TCF25: variants seen among roughly 807,000 people sequenced by gnomAD.
The protein encoded by TCF25 is ribosome quality control complex subunit TCF25.
In TCF25, 41 loss-of-function variants were observed where a neutral mutation model predicts 83.1. The ratio of observed to expected loss-of-function variants is 0.49; its 90% CI spans 0.38 to 0.64. The LOEUF (loss-of-function observed/expected upper bound fraction) is 0.64, where lower values mean the gene tolerates loss of function less well. Ranked by LOEUF, TCF25 falls within the 30% of genes least tolerant of loss-of-function variation. The pLI is 0.00. For synonymous variants in TCF25, 458 were observed against 365.0 expected (o/e 1.25, Z -2.90); for missense variants, 979 against 914.5 (o/e 1.07, Z -0.91).
intron 8 of TCF25, among the ~76,000 whole-genome samples, chr16:89,895,442 G>A (rs1285796209): frequency 6.6e-6 from 1 of 152,124 alleles, no homozygotes; most frequent in African/African-American, 2.4e-5. Flanking sequence ...TCCTGACCTT[G>A]TGATCCACCC....
intron 5 of TCF25, among the ~76,000 whole-genome samples, chr16:89,891,205 C>T (rs1156968300): frequency 6.6e-6 from 1 of 152,218 alleles, no homozygotes; most frequent in Non-Finnish European, 1.5e-5. Context: ...GTTCTGGAGG[C>T]TTCCTTACTT....
At chr16:89,899,771 T>C (rs2044173518) in intron 11 of TCF25, among the ~76,000 whole-genome samples, 1 of 151,780 alleles carries the variant, frequency 6.6e-6, no homozygotes, top group South Asian at 2.1e-4. Flanking sequence ...TGGGCTCCCA[T>C]TATGTTCCTA....
At chr16:89,887,377 C>G (rs1323802880) in intron 4 of TCF25, among the ~76,000 whole-genome samples, 2 of 152,100 alleles carry the variant, frequency 1.3e-5, no homozygotes, top group Admixed American at 6.5e-5. Flanking sequence ...TGCCCCGACT[C>G]AGCCTCAGAA....
chr16:89,880,022 C>A (rs2042487247), intron 1 of TCF25, among the ~76,000 whole-genome samples: 1 of 150,940 alleles, frequency 6.6e-6, no homozygotes, highest in South Asian at 2.1e-4. Context: ...GGCTCCTGAG[C>A]CCATCACACG....
At chr16:89,880,072 A>C (rs1202382914) in intron 1 of TCF25, among the ~76,000 whole-genome samples, 1 of 150,938 alleles carries the variant, frequency 6.6e-6, no homozygotes, top group Non-Finnish European at 1.5e-5. Flanking sequence ...AGCCTGTCAC[A>C]CGTGTTGTCC....
chr16:89,897,964 G>A (rs2043991161), intron 9 of TCF25, among the ~76,000 whole-genome samples: 1 of 152,148 alleles, frequency 6.6e-6, no homozygotes, highest in Non-Finnish European at 1.5e-5. Flanking sequence ...TCAGCTGGGT[G>A]TGGTGGCGGG....
rs772492928 is a variant in TCF25, at chr16:89,893,739, C to A, written c.709C>A (p.Arg237=). 8 of 1,613,798 alleles carry A rather than the reference C, an allele frequency of 5.0e-6. No homozygotes were observed. In the South Asian group the frequency reaches 5.5e-5, roughly 11 times the overall value. ...PRYSKPGLSM[R]LLESKKGLSF... ...CTCTCCCCTCCCAGGTCTGTCCATG[C>A]GGCTGCTGGAATCAAAAAAAGGCCT... The change falls in exon 7 of 18, where the codon CGG becomes AGG. Residue 237 remains arginine (R), a synonymous_variant. Coordinates refer to ENST00000263346, the MANE Select transcript of TCF25 (RefSeq NM_014972.3).
intron 4 of TCF25, 40 bp from the exon 5 acceptor site, chr16:89,887,612 A>C: frequency 6.4e-7 from 1 of 1,552,588 alleles, no homozygotes; most frequent in African/African-American, 1.4e-5. Flanking sequence ...GTCTTAGAAC[A>C]TAATTTCATG....
chr16:89,903,763 C>T (rs1248668692), intron 12 of TCF25, among the ~76,000 whole-genome samples: 2 of 152,194 alleles, frequency 1.3e-5, no homozygotes, highest in South Asian at 2.1e-4. Context: ...GCCGAGATTT[C>T]GCCAACGCAC....
rs1452251699 is a variant in TCF25, at chr16:89,883,406, G to C, written c.248G>C (p.Cys83Ser). 1.2e-6 allele frequency: 2 copies of C among 1,614,144 alleles called. No individual in the cohort carries two copies. Among genetic ancestry groups the C allele is most frequent in the Admixed American group, 1.7e-5 (1 of 60,024 alleles). Residue 83 changes from cysteine to serine, a missense_variant, in exon 2 of 18, where the codon TGT becomes TCT. Cys to Ser is a moderately radical substitution (Grantham distance 112). Coordinates refer to ENST00000263346, the MANE Select transcript of TCF25 (RefSeq NM_014972.3). ...GTGGTGAACGGGGAGAGGTCTGGCT[G>C]TGCGCTCACAGACGCTGTGGCACCA... is the stretch of plus-strand genomic sequence containing the variant. ...DPVVNGERSG[C>S]ALTDAVAPGN...
chr16:89,892,422 C>T (rs2043501944), intron 6 of TCF25, 147 bp downstream of exon 6: 3 of 921,136 alleles, frequency 3.3e-6, no homozygotes. Context: ...CTGGCCTGCG[C>T]TGGGCACCAG....
At chr16:89,886,513 A>G (rs2043031068) in intron 4 of TCF25, among the ~76,000 whole-genome samples, 1 of 152,140 alleles carries the variant, frequency 6.6e-6, no homozygotes, top group Non-Finnish European at 1.5e-5. Context: ...CTGTAATCCC[A>G]GCACTTTGGG....
intron 15 of TCF25, 102 bp from the exon 16 acceptor site, chr16:89,907,135 AGCAGAT>A (rs1180080224): frequency 9.1e-7 from 1 of 1,099,674 alleles, no homozygotes; most frequent in East Asian, 2.4e-5. Context: ...GCTATCTCTC[AGCAGAT>A]GCATCCAGTC....
intron 5 of TCF25, chr16:89,889,501 A>G (rs982882374): frequency 8.9e-5 from 17 of 191,642 alleles, no homozygotes; most frequent in African/African-American, 3.6e-4. Context: ...TTATTGGACC[A>G]TGGAGAGTAT....
At chr16:89,909,050 T>C (rs1357226624) in intron 16 of TCF25, 9 of 1,289,380 alleles carry the variant, frequency 7.0e-6, no homozygotes, top group Admixed American at 6.9e-5. Context: ...CTCCACCGAA[T>C]GTACAAGCGC....
In TCF25 at chr16:89,892,302, A is replaced by T. The variant is rs1341890316; in HGVS notation, c.697+27A>T. The T allele has an allele frequency of 6.0e-6, 9 of 1,500,028 alleles. No individual in the cohort carries two copies. In the Admixed American group the frequency reaches 7.4e-5, roughly 12 times the overall value. The allele number at this position is 1,500,028 out of a possible 1,614,324, so 92.9% of individuals were successfully genotyped here. On this transcript the variant is annotated intron_variant, in intron 6 of 17. Coordinates refer to ENST00000263346, the MANE Select transcript of TCF25 (RefSeq NM_014972.3). ...TGAGGGTCTGCAGATGCTGCTGGGG[A>T]TGGAGGGTTGGGGGGCGTTGTCTGT...
intron 13 of TCF25, 26 bp downstream of exon 13, chr16:89,904,231 C>G: frequency 1.3e-6 from 2 of 1,550,434 alleles, no homozygotes; most frequent in African/African-American, 1.4e-5. Flanking sequence ...TGGTGCCCAT[C>G]TGTGGGTGCC....
chr16:89,883,625 T>A, intron 2 of TCF25, 113 bp downstream of exon 2: 1 of 1,307,818 alleles, frequency 7.6e-7, no homozygotes, highest in Non-Finnish European at 1.0e-6. Context: ...CGAGTTCCAT[T>A]TTGGTTACCT....
At chr16:89,894,234 G>T (rs2043652544) in intron 7 of TCF25, among the ~76,000 whole-genome samples, 1 of 151,296 alleles carries the variant, frequency 6.6e-6, no homozygotes, top group Non-Finnish European at 1.5e-5. Flanking sequence ...CCCCCGGACG[G>T]CCCCCACACG....
Sources: allele counts gnomAD v4.1 joint callset (sites outside exome capture counted in the v4.1 genomes callset), GRCh38; gene constraint gnomAD v4.1.1; transcripts MANE v1.5; gene names NCBI Gene and HGNC (gene_info 2026-07-23, HGNC 2026-07-21).